NDUFS4: variants seen among roughly 807,000 people sequenced by gnomAD.
NDUFS4 encodes the protein NADH:ubiquinone oxidoreductase subunit S4.
A neutral mutation model predicts 24.3 loss-of-function variants in NDUFS4; 28 were observed. The observed-to-expected ratio is 1.15, with a 90% CI of 0.85 to 1.58. The LOEUF is 1.58. Ranked by LOEUF, NDUFS4 falls within the 40% of genes most tolerant of loss-of-function variation. The probability of loss-of-function intolerance (pLI) is 0.00; values close to 1 mark genes in which losing one functional copy is unlikely to be tolerated. For synonymous variants in NDUFS4, 93 were observed against 69.7 expected (o/e 1.34, Z -1.67); for missense variants, 223 against 207.9 (o/e 1.07, Z -0.45).
intron 2 of NDUFS4, among the ~76,000 whole-genome samples, chr5:53,611,866 C>T (rs1177619874): frequency 3.3e-5 from 5 of 151,978 alleles, no homozygotes; most frequent in Non-Finnish European, 2.9e-5. Flanking sequence ...TTCACTTCAG[C>T]TATACAAAAG....
At chr5:53,593,791 A>T (rs1750048243) in intron 1 of NDUFS4, among the ~76,000 whole-genome samples, 1 of 151,704 alleles carries the variant, frequency 6.6e-6, no homozygotes, top group Non-Finnish European at 1.5e-5. Flanking sequence ...TTTTCTTGAG[A>T]CTTTTTTGAC....
chr5:53,601,083 C>A (rs1238946595), intron 1 of NDUFS4, among the ~76,000 whole-genome samples: 1 of 150,154 alleles, frequency 6.7e-6, no homozygotes, highest in Non-Finnish European at 1.5e-5. Context: ...CAGCTCACTG[C>A]AAGCTCCGCC....
chr5:53,560,868 G>A, intron 1 of NDUFS4, 108 bp downstream of exon 1: 2 of 1,573,706 alleles, frequency 1.3e-6, no homozygotes. Context: ...GTCCTCTGTT[G>A]ACCCTTTTCT....
chr5:53,607,616 A>C (rs1439745724), intron 2 of NDUFS4, among the ~76,000 whole-genome samples: 1 of 152,222 alleles, frequency 6.6e-6, no homozygotes, highest in Non-Finnish European at 1.5e-5. Context: ...TCGTATGACC[A>C]GTGCATGATA....
At chr5:53,632,112 C>A (rs1391148062) in intron 2 of NDUFS4, among the ~76,000 whole-genome samples, 1 of 152,352 alleles carries the variant, frequency 6.6e-6, no homozygotes, top group East Asian at 1.9e-4. Flanking sequence ...CCATCTTCTG[C>A]ATCAGTCTTG....
At chr5:53,655,343 A>G (rs1343376642) in intron 3 of NDUFS4, among the ~76,000 whole-genome samples, 2 of 151,582 alleles carry the variant, frequency 1.3e-5, no homozygotes, top group African/African-American at 4.8e-5. Flanking sequence ...TCTGACTTCT[A>G]ACAACATAGA....
intron 2 of NDUFS4, among the ~76,000 whole-genome samples, chr5:53,609,691 C>G (rs1053141029): frequency 6.6e-6 from 1 of 152,174 alleles, no homozygotes; most frequent in Non-Finnish European, 1.5e-5. Context: ...CATTGAAAAT[C>G]TATTGTTTAG....
intron 4 of NDUFS4, among the ~76,000 whole-genome samples, chr5:53,672,574 A>C (rs1740312459): frequency 6.7e-6 from 1 of 150,206 alleles, no homozygotes; most frequent in Admixed American, 6.7e-5. Context: ...GGTGTGCCAG[A>C]GACAATGCAC....
chr5:53,639,553 A>G (rs1267750648), intron 2 of NDUFS4, among the ~76,000 whole-genome samples: 3 of 152,016 alleles, frequency 2.0e-5, no homozygotes, highest in Non-Finnish European at 4.4e-5. Context: ...ACCTCTTTTT[A>G]AGTTGACATC....
chr5:53,614,636 A>G (rs1341312136), intron 2 of NDUFS4, among the ~76,000 whole-genome samples: 1 of 152,014 alleles, frequency 6.6e-6, no homozygotes, highest in Non-Finnish European at 1.5e-5. Flanking sequence ...AACTGTTAAT[A>G]GCCACAACAT....
At chr5:53,593,836 C>T (rs1750049138) in intron 1 of NDUFS4, among the ~76,000 whole-genome samples, 1 of 151,986 alleles carries the variant, frequency 6.6e-6, no homozygotes, top group South Asian at 2.1e-4. Flanking sequence ...GTTTGATCTC[C>T]AAGTAATTGG....
At chr5:53,562,302 G>A (rs542353867) in intron 1 of NDUFS4, among the ~76,000 whole-genome samples, 1 of 152,102 alleles carries the variant, frequency 6.6e-6, no homozygotes, top group Non-Finnish European at 1.5e-5. Context: ...CCTTCCTCCC[G>A]TACAGATTAT....
At chr5:53,668,463 G>A (rs1752578032) in intron 4 of NDUFS4, among the ~76,000 whole-genome samples, 1 of 151,514 alleles carries the variant, frequency 6.6e-6, no homozygotes, top group Non-Finnish European at 1.5e-5. Context: ...TTTTTTTGGA[G>A]GGGTTCGGGG....
intron 2 of NDUFS4, among the ~76,000 whole-genome samples, chr5:53,609,639 A>G (rs777631755): frequency 6.6e-6 from 1 of 152,174 alleles, no homozygotes; most frequent in Non-Finnish European, 1.5e-5. Context: ...CTCTCTAGCT[A>G]TGAAAGTCCT....
At chr5:53,615,364 A>G (rs1189449397) in intron 2 of NDUFS4, among the ~76,000 whole-genome samples, 2 of 151,980 alleles carry the variant, frequency 1.3e-5, no homozygotes, top group African/African-American at 4.8e-5. Flanking sequence ...TTCTTTTTAT[A>G]TCATGTATCT....
chr5:53,583,113 AT>A (rs1455711800), intron 1 of NDUFS4, among the ~76,000 whole-genome samples: 1 of 152,046 alleles, frequency 6.6e-6, no homozygotes, highest in Non-Finnish European at 1.5e-5. Flanking sequence ...TCCTGACCTC[AT>A]GATCCGCCCG....
intron 4 of NDUFS4, among the ~76,000 whole-genome samples, chr5:53,660,967 G>A (rs930662052): frequency 6.6e-6 from 1 of 152,102 alleles, no homozygotes; most frequent in Non-Finnish European, 1.5e-5. Flanking sequence ...TCACTCTGAT[G>A]GTAGTTTATT....
chr5:53,658,440 C>T (rs1752225858), intron 3 of NDUFS4, 111 bp from the exon 4 acceptor site: 4 of 706,182 alleles, frequency 5.7e-6, no homozygotes, highest in Non-Finnish European at 9.9e-6. Flanking sequence ...TAAAATATTC[C>T]ATCAATAATG....
At chr5:53,658,646 CAA>C in intron 4 of NDUFS4, 22 bp downstream of exon 4, 1 of 1,559,486 alleles carries the variant, frequency 6.4e-7, no homozygotes, top group Non-Finnish European at 8.8e-7. Flanking sequence ...CTGTTTTTGA[CAA>C]AGTCAAGATA....
Sources: allele counts gnomAD v4.1 joint callset (sites outside exome capture counted in the v4.1 genomes callset), GRCh38; gene constraint gnomAD v4.1.1; transcripts MANE v1.5; gene names NCBI Gene and HGNC (gene_info 2026-07-23, HGNC 2026-07-21).